The following RBFOX2 variants were observed in gnomAD, a reference collection of about 807,000 sequenced individuals.
The protein encoded by RBFOX2 is RNA binding fox-1 homolog 2.
In RBFOX2, 10 loss-of-function variants were observed where a neutral mutation model predicts 49.1. The observed-to-expected ratio is 0.20, with a 90% CI of 0.13 to 0.35. RBFOX2 has a LOEUF of 0.35. RBFOX2 is among the 10% of genes least tolerant of loss of function. The probability of loss-of-function intolerance (pLI) is 1.00; values close to 1 mark genes in which losing one functional copy is unlikely to be tolerated. For missense variants in RBFOX2, 323 were observed against 486.9 expected (o/e 0.66, Z 3.17); for synonymous variants, 183 against 187.4 (o/e 0.98, Z 0.19).
intron 1 of RBFOX2, among the ~76,000 whole-genome samples, chr22:35,917,598 T>C (rs779598106): frequency 1.3e-4 from 20 of 152,138 alleles, no homozygotes; most frequent in Admixed American, 6.6e-4. Flanking sequence ...TTTTAGCAAA[T>C]AGACATGGGG....
intron 2 of RBFOX2, among the ~76,000 whole-genome samples, chr22:35,792,354 A>G (rs1439809745): frequency 6.7e-6 from 1 of 150,298 alleles, no homozygotes; most frequent in African/African-American, 2.5e-5. Flanking sequence ...AGAAAAGAAA[A>G]GAAAAGAAAA....
chr22:36,013,771 C>T (rs1483544420), intron 1 of RBFOX2, among the ~76,000 whole-genome samples: 3 of 151,462 alleles, frequency 2.0e-5, no homozygotes, highest in African/African-American at 4.9e-5. Flanking sequence ...AGAGAGTATG[C>T]TAATATTTGT....
At chr22:35,965,439 C>T (rs554265755), upstream of RBFOX2, among the ~76,000 whole-genome samples, 14 of 152,172 alleles carry the variant, frequency 9.2e-5, no homozygotes, top group Admixed American at 3.3e-4. Context: ...ATTTGTTCTC[C>T]TCATAGTCTC....
chr22:35,897,113 A>T (rs2047943909), intron 1 of RBFOX2, among the ~76,000 whole-genome samples: 1 of 152,080 alleles, frequency 6.6e-6, no homozygotes, highest in South Asian at 2.1e-4. Flanking sequence ...CTCGACACTC[A>T]TTCTTTTTTT....
At chr22:35,966,789 T>C (rs1038780062) in intron 1 of RBFOX2, among the ~76,000 whole-genome samples, 2 of 152,130 alleles carry the variant, frequency 1.3e-5, no homozygotes, top group African/African-American at 4.8e-5. Context: ...GTAGTTTGCC[T>C]TTTTACTTTC....
At chr22:35,956,657 C>A (rs181628085) in intron 1 of RBFOX2, among the ~76,000 whole-genome samples, 2 of 152,210 alleles carry the variant, frequency 1.3e-5, no homozygotes, top group Non-Finnish European at 2.9e-5. Flanking sequence ...CTGCGCCTGG[C>A]CACCTCATTC....
At chr22:36,025,057 C>T (rs964702320) in intron 1 of RBFOX2, among the ~76,000 whole-genome samples, 1 of 152,202 alleles carries the variant, frequency 6.6e-6, no homozygotes, top group African/African-American at 2.4e-5. Flanking sequence ...ATCCACCCGC[C>T]TCAGTCTCCC....
At chr22:35,841,372 TTAAAA>T (rs1958729530), upstream of RBFOX2, among the ~76,000 whole-genome samples, 1 of 152,172 alleles carries the variant, frequency 6.6e-6, no homozygotes, top group Non-Finnish European at 1.5e-5. Flanking sequence ...AGTTCTCTTA[TTAAAA>T]TAATATAATT....
upstream of RBFOX2, among the ~76,000 whole-genome samples, chr22:35,840,795 T>C (rs1361954695): frequency 2.6e-5 from 4 of 152,230 alleles, no homozygotes; most frequent in Non-Finnish European, 2.9e-5. Flanking sequence ...ATTCCAGCCA[T>C]GAATGTCAAA....
upstream of RBFOX2, among the ~76,000 whole-genome samples, chr22:35,964,190 AT>A (rs2056426114): frequency 6.6e-6 from 1 of 152,094 alleles, no homozygotes; most frequent in South Asian, 2.1e-4. Flanking sequence ...AAGCCTGTGC[AT>A]TTTTCCACTT....
chr22:35,783,405 A>G (rs1445900725), intron 2 of RBFOX2, among the ~76,000 whole-genome samples: 1 of 151,856 alleles, frequency 6.6e-6, no homozygotes, highest in Non-Finnish European at 1.5e-5. Context: ...GTGAAAATAT[A>G]TTACAAAATA....
chr22:35,850,672 T>C (rs76988707), intron 1 of RBFOX2, among the ~76,000 whole-genome samples: 51 of 152,298 alleles, frequency 3.3e-4, no homozygotes, highest in Non-Finnish European at 6.6e-4. Flanking sequence ...CACACATATT[T>C]CTATAACAGA....
intron 1 of RBFOX2, among the ~76,000 whole-genome samples, chr22:35,987,919 T>C (rs1046141395): frequency 2.6e-5 from 4 of 152,218 alleles, no homozygotes; most frequent in African/African-American, 9.6e-5. Context: ...CTTTAGCAAG[T>C]TGGAAAATGG....
intron 1 of RBFOX2, among the ~76,000 whole-genome samples, chr22:36,001,838 C>T (rs1003224633): frequency 5.3e-5 from 8 of 151,776 alleles, no homozygotes; most frequent in East Asian, 2.0e-4. Context: ...CCAAGGCGGG[C>T]GGATCACTTG....
chr22:35,887,485 T>A (rs985878570), intron 1 of RBFOX2, among the ~76,000 whole-genome samples: 1 of 152,174 alleles, frequency 6.6e-6, no homozygotes, highest in African/African-American at 2.4e-5. Flanking sequence ...AGACTGCCCC[T>A]GAGATTACTG....
rs562395703 is a variant in RBFOX2, at chr22:35,825,554, G to T, written c.27+14638C>A. ...ATAAACTTTAGAAAGATAAACATGGGTTAAAATTTAGGCTCTGCAATGAAT... is the reference window on the plus strand; with the variant it reads ...ATAAACTTTAGAAAGATAAACATGGTTTAAAATTTAGGCTCTGCAATGAAT... On this transcript the variant is annotated intron_variant, in intron 1 of 11. Coordinates refer to ENST00000405409, the Ensembl canonical transcript of RBFOX2. Among the ~76,000 whole-genome samples the T allele has an allele frequency of 6.8e-4, 104 of 152,254 alleles. No individual in the cohort carries two copies. In the South Asian group the frequency reaches 0.02, roughly 30 times the overall value.
At chr22:35,846,444 G>C (rs1300532229) in intron 1 of RBFOX2, among the ~76,000 whole-genome samples, 1 of 151,746 alleles carries the variant, frequency 6.6e-6, no homozygotes, top group Non-Finnish European at 1.5e-5. Flanking sequence ...TTGAGGACCT[G>C]AGCATACCTC....
At chr22:35,866,455 T>C (rs2043692290) in intron 1 of RBFOX2, among the ~76,000 whole-genome samples, 1 of 152,222 alleles carries the variant, frequency 6.6e-6, no homozygotes, top group African/African-American at 2.4e-5. Context: ...AGACATACTA[T>C]TATTTAATTA....
chr22:35,788,952 A>G (rs574600478), intron 2 of RBFOX2, among the ~76,000 whole-genome samples: 1 of 152,088 alleles, frequency 6.6e-6, no homozygotes, highest in African/African-American at 2.4e-5. Context: ...TAATTTTCAC[A>G]TCTCTTCTCT....
Sources: gnomAD v4.1 joint callset for allele counts (sites outside exome capture counted in the v4.1 genomes callset) on GRCh38, gnomAD v4.1.1 for gene constraint, MANE v1.5 for transcripts, NCBI Gene and HGNC (gene_info 2026-07-23, HGNC 2026-07-21) for gene names.